The following ZMAT1 variants were observed in gnomAD, a reference collection of about 807,000 sequenced individuals.
ZMAT1 encodes the protein zinc finger matrin-type 1, also known as zinc finger matrin-type protein 1.
A neutral mutation model predicts 18.5 loss-of-function variants in ZMAT1; 11 were observed. The observed-to-expected ratio is 0.59, with a 90% CI of 0.37 to 0.98. The LOEUF is 0.98. Among genes scored for constraint, ZMAT1 ranks in the 50% least tolerant of loss-of-function variants. ZMAT1 has a pLI of 0.01. For missense variants in ZMAT1, 525 were observed against 496.2 expected, an observed-to-expected ratio of 1.06 and a Z score of -0.55; for synonymous variants, 211 against 176.4, an observed-to-expected ratio of 1.20 and a Z score of -1.55.
chrX:101,885,481 G>A (rs944576472), intron 5 of ZMAT1, among the ~76,000 whole-genome samples: 7 of 110,145 alleles, frequency 6.4e-5, no homozygotes, highest in African/African-American at 2.0e-4. Context: ...GCACTATGAC[G>A]GAACCTGTGA....
At chrX:101,895,844 G>A (rs1927762756) in intron 4 of ZMAT1, 1 of 751,806 alleles carries the variant, frequency 1.3e-6, no homozygotes, top group African/African-American at 2.3e-5. Flanking sequence ...AGGGGCTTCA[G>A]GAATGTTGAC....
chrX:101,908,635 G>A (rs1397522002), intron 1 of ZMAT1, among the ~76,000 whole-genome samples: 1 of 111,564 alleles, frequency 9.0e-6, no homozygotes, highest in Non-Finnish European at 1.9e-5. Flanking sequence ...AGTGAACTCG[G>A]TGCTATCCTG....
rs893169604 is a variant in ZMAT1 at position 101,884,123 on chromosome X, G to T, written c.1475C>A (p.Pro492His). The change falls in exon 6 of 6, where the codon CCC becomes CAC. Residue 492 changes from proline to histidine, a missense_variant. Transcript: ENST00000651725. ...HRNREMVDVR[P>H]RHRMLEQKLP... is the part of the protein sequence containing the mutation. Reference sequence around the variant, plus strand: ...CTTTTGCTCCAACATTCTATGTCTGGGTCTGACATCAACCATTTCTCTGTT... The same window carrying T: ...CTTTTGCTCCAACATTCTATGTCTGTGTCTGACATCAACCATTTCTCTGTT... 1.7e-6 allele frequency: 2 copies of T among 1,209,094 alleles called. No homozygotes were observed. The highest frequency in any genetic ancestry group is 2.2e-6 in the Non-Finnish European group (2 of 894,937).
intron 1 of ZMAT1, among the ~76,000 whole-genome samples, chrX:101,915,064 A>G (rs1276157634): frequency 9.2e-6 from 1 of 108,492 alleles, no homozygotes; most frequent in African/African-American, 3.4e-5. Context: ...GATACATCAT[A>G]ATAATAAAGG....
chrX:101,901,587 G>A (rs949250045), intron 2 of ZMAT1, among the ~76,000 whole-genome samples: 2 of 111,141 alleles, frequency 1.8e-5, no homozygotes, highest in Non-Finnish European at 3.8e-5. Flanking sequence ...CTTTAAAAGA[G>A]GTAAAATTTT....
intron 1 of ZMAT1, among the ~76,000 whole-genome samples, chrX:101,927,374 C>A (rs937239003): frequency 3.6e-5 from 4 of 111,940 alleles, no homozygotes; most frequent in Non-Finnish European, 5.6e-5. Context: ...ATGATGACCA[C>A]TCACAGCTAT....
intron 4 of ZMAT1, chrX:101,895,751 T>C: frequency 1.6e-6 from 1 of 609,374 alleles, no homozygotes; most frequent in Non-Finnish European, 2.0e-6. Context: ...CAAAATTTGT[T>C]CGGATTATTC....
intron 4 of ZMAT1, chrX:101,889,171 T>G (rs1927190452): frequency 1.8e-5 from 2 of 111,696 alleles, no homozygotes; most frequent in African/African-American, 6.5e-5. Flanking sequence ...TATACAAAAG[T>G]TGTGTAAACC....
intron 4 of ZMAT1, chrX:101,889,178 A>T (rs1191643499): frequency 9.0e-6 from 1 of 111,446 alleles, no homozygotes; most frequent in East Asian, 2.8e-4. Context: ...AAGTTGTGTA[A>T]ACCCTTTCTG....
At chrX:101,890,524 T>C (rs1165399327) in intron 4 of ZMAT1, among the ~76,000 whole-genome samples, 2 of 111,239 alleles carry the variant, frequency 1.8e-5, no homozygotes, top group Non-Finnish European at 3.8e-5. Flanking sequence ...AAATAATTGG[T>C]TTAACAAATA....
At chrX:101,908,839 C>T (rs1378523468) in intron 1 of ZMAT1, among the ~76,000 whole-genome samples, 2 of 111,220 alleles carry the variant, frequency 1.8e-5, no homozygotes, top group Admixed American at 9.5e-5. Flanking sequence ...CAATAGGTAC[C>T]GCAATTCGTA....
At position 101,931,974 on chromosome X, in the gene ZMAT1, G is replaced by A; in HGVS notation, c.35C>T (p.Ala12Val). ...AAAPSTVTPLAAESSPQEATV... is the reference protein window; with the variant it reads ...AAAPSTVTPLVAESSPQEATV... ...AGCTTCCTGAGGGGAAGACTCCGCC[G>A]CCAGCGGGGTGACTGTGCTCGGCGC... Residue 12 changes from alanine to valine, a missense_variant, in exon 1 of 6, where the codon GCG becomes GTG. Transcript: ENST00000651725. The A allele has an allele frequency of 1.3e-6, 1 of 772,608 alleles. No individual in the cohort carries two copies. The allele number at this position is 772,608 out of a possible 1,213,427, so 63.7% of individuals were successfully genotyped here.
chrX:101,931,276 T>C (rs1024247797), intron 1 of ZMAT1, among the ~76,000 whole-genome samples: 1 of 111,919 alleles, frequency 8.9e-6, no homozygotes, highest in Admixed American at 9.5e-5. Context: ...ATTTCCTCTT[T>C]TATCTCCGCC....
At position 101,897,878 on chromosome X, in the gene ZMAT1, T is replaced by C; in HGVS notation, c.666A>G (p.Gln222=). 1 of 1,210,443 alleles carries C rather than the reference T, an allele frequency of 8.3e-7. No homozygotes were observed. The highest frequency in any genetic ancestry group is 1.1e-6 in the Non-Finnish European group (1 of 894,751). ...EHDQASPSGF[Q]PEMAFSMRTY... is the part of the protein sequence containing the mutation. ...TGAATGGAACCTTACCCATCTCTGG[T>C]TGAAATCCTGATGGAGATGCCTGAT... Residue 222 remains glutamine, a synonymous_variant, in exon 4 of 6, where the codon CAA becomes CAG. Transcript: ENST00000651725.
intron 2 of ZMAT1, among the ~76,000 whole-genome samples, chrX:101,898,688 G>A (rs1928001062): frequency 9.0e-6 from 1 of 111,707 alleles, no homozygotes; most frequent in Non-Finnish European, 1.9e-5. Context: ...TACAAAGGAT[G>A]GAGTTTCAAC....
chrX:101,908,512 GA>G (rs989480232), intron 1 of ZMAT1, among the ~76,000 whole-genome samples: 6 of 109,836 alleles, frequency 5.5e-5, no homozygotes, highest in East Asian at 2.8e-4. Context: ...TTAAGAGATA[GA>G]AAAAAAAAGG....
At chrX:101,915,594 T>TA (rs1272097105) in intron 1 of ZMAT1, 1 of 112,120 alleles carries the variant, frequency 8.9e-6, no homozygotes, top group Non-Finnish European at 1.9e-5. Context: ...CTCAAATGCT[T>TA]ACTTCAGCAG....
chrX:101,916,623 C>T (rs1284602161), intron 1 of ZMAT1, among the ~76,000 whole-genome samples: 2 of 111,379 alleles, frequency 1.8e-5, no homozygotes, highest in Non-Finnish European at 3.8e-5. Context: ...AAGCAATCTA[C>T]AGATTCAAAG....
At chrX:101,903,494 T>A (rs972658522) in intron 2 of ZMAT1, among the ~76,000 whole-genome samples, 2 of 111,418 alleles carry the variant, frequency 1.8e-5, no homozygotes, top group African/African-American at 6.5e-5. Flanking sequence ...TTTAAAAAAG[T>A]AGAACTGGCA....
Sources: allele counts gnomAD v4.1 joint callset (sites outside exome capture counted in the v4.1 genomes callset), GRCh38; gene constraint gnomAD v4.1.1; transcripts MANE v1.5; gene names NCBI Gene and HGNC (gene_info 2026-07-23, HGNC 2026-07-21).